The following SLC30A6 variants were observed in gnomAD, a reference collection of about 807,000 sequenced individuals.
The protein encoded by SLC30A6 is solute carrier family 30 member 6.
SLC30A6 carries 55 observed loss-of-function variants against 63.0 expected under a neutral mutation model. That is an observed-to-expected ratio of 0.87 (90% CI 0.70 to 1.09). The LOEUF (loss-of-function observed/expected upper bound fraction) is 1.09, where lower values mean the gene tolerates loss of function less well. Among genes scored for constraint, SLC30A6 ranks in the 50% least tolerant of loss-of-function variants. The pLI, the probability that SLC30A6 is intolerant of heterozygous loss-of-function variation, is 0.00. For synonymous variants in SLC30A6, 224 were observed against 186.1 expected (o/e 1.20, Z -1.66); for missense variants, 587 against 549.2 (o/e 1.07, Z -0.69).
chr2:32,218,058 T>G (rs1395368810), intron 13 of SLC30A6, among the ~76,000 whole-genome samples: 1 of 152,036 alleles, frequency 6.6e-6, no homozygotes, highest in African/African-American at 2.4e-5. Context: ...TTGCTCAGGC[T>G]GGGGGAGTCT....
In SLC30A6 at chr2:32,209,480, C is replaced by G; in HGVS notation, c.817-13C>G. The stretch of plus-strand genomic sequence containing the variant: ...TACAGACAACTCTGATCACCTCTTT[C>G]TGTTTTTGGTAGGTATCTACCTTAG... On this transcript the variant is annotated splice_polypyrimidine_tract_variant and intron_variant, in intron 12 of 13. Transcript: ENST00000282587. The G allele has an allele frequency of 6.2e-7, 1 of 1,600,592 alleles. No homozygotes were observed. The highest frequency in any genetic ancestry group is 8.5e-7 in the Non-Finnish European group (1 of 1,175,842).
At chr2:32,215,189 T>C (rs1021949740) in intron 13 of SLC30A6, among the ~76,000 whole-genome samples, 1 of 152,160 alleles carries the variant, frequency 6.6e-6, no homozygotes, top group Non-Finnish European at 1.5e-5. Context: ...ACATTTTATT[T>C]AATTTTATTT....
chr2:32,208,649 G>C (rs957525697), intron 12 of SLC30A6, among the ~76,000 whole-genome samples: 22 of 146,066 alleles, frequency 1.5e-4, no homozygotes, highest in Admixed American at 1.5e-3. Flanking sequence ...CTGGAGTGCA[G>C]TGCCGTGTTC....
intron 1 of SLC30A6, among the ~76,000 whole-genome samples, chr2:32,169,560 C>T (rs957798281): frequency 6.6e-6 from 1 of 152,146 alleles, no homozygotes; most frequent in African/African-American, 2.4e-5. Context: ...GGGCGGATCA[C>T]GAGGTCAGGA....
chr2:32,175,922 G>A (rs1311007421), intron 4 of SLC30A6, among the ~76,000 whole-genome samples: 4 of 152,120 alleles, frequency 2.6e-5, no homozygotes, highest in Admixed American at 6.6e-5. Context: ...GCAGTGAGCC[G>A]AGATTGTGCC....
Position 32,204,635 on chromosome 2 carries a change from G to A in SLC30A6, c.711G>A (p.Leu237=), listed in dbSNP as rs911729059. The A allele has an allele frequency of 1.2e-6, 2 of 1,612,634 alleles. No individual in the cohort carries two copies. Among genetic ancestry groups the A allele is most frequent in the African/African-American group, 2.7e-5 (2 of 74,804 alleles). The change falls in exon 11 of 14, where the codon TTG becomes TTA. Residue 237 remains leucine, a synonymous_variant. Coordinates refer to ENST00000282587, the MANE Select transcript of SLC30A6 (RefSeq NM_017964.5). ...CTGCCTCTGCTATAGCTATTGCCTTGATGACATTTGGCACTATGTATCCCA... is the reference window on the plus strand; with the variant it reads ...CTGCCTCTGCTATAGCTATTGCCTTAATGACATTTGGCACTATGTATCCCA... ...VDTASAIAIA[L]MTFGTMYPMS...
intron 5 of SLC30A6, among the ~76,000 whole-genome samples, chr2:32,190,523 T>G (rs1297342268): frequency 6.6e-6 from 1 of 152,190 alleles, no homozygotes; most frequent in African/African-American, 2.4e-5. Context: ...GTGTACTTGT[T>G]AAGAAATCTT....
chr2:32,175,621 A>G (rs1202605009), intron 4 of SLC30A6, among the ~76,000 whole-genome samples: 1 of 152,224 alleles, frequency 6.6e-6, no homozygotes, highest in Non-Finnish European at 1.5e-5. Flanking sequence ...AAAGTAATCT[A>G]CTAAATAAGT....
At chr2:32,183,122 G>A (rs1682484054) in intron 4 of SLC30A6, among the ~76,000 whole-genome samples, 1 of 151,972 alleles carries the variant, frequency 6.6e-6, no homozygotes, top group African/African-American at 2.4e-5. Context: ...GGGAGGCGGA[G>A]GTTGCAGTGA....
At chr2:32,166,962 T>C (rs1296179695) in intron 1 of SLC30A6, among the ~76,000 whole-genome samples, 9 of 151,912 alleles carry the variant, frequency 5.9e-5, no homozygotes, top group Non-Finnish European at 1.2e-4. Context: ...ACCACATCAC[T>C]CCCTTACTCA....
At chr2:32,169,428 C>G (rs1243708594) in intron 1 of SLC30A6, among the ~76,000 whole-genome samples, 1 of 152,134 alleles carries the variant, frequency 6.6e-6, no homozygotes, top group Non-Finnish European at 1.5e-5. Context: ...CCTCCTGACT[C>G]AGTCACCCAA....
At position 32,171,349 on chromosome 2, in the gene SLC30A6, T is replaced by C; in HGVS notation, c.66T>C (p.Phe22=). Residue 22 remains phenylalanine, a synonymous_variant, in exon 2 of 14, where the codon TTT becomes TTC. Coordinates refer to ENST00000282587, the MANE Select transcript of SLC30A6 (RefSeq NM_017964.5). ...TTTTTGGCAAGTTGTTACGGGAATTTAGACTTGTAGCAGCTGACCGAAGGG... is the reference window on the plus strand; with the variant it reads ...TTTTTGGCAAGTTGTTACGGGAATTCAGACTTGTAGCAGCTGACCGAAGGG... ...RSFFGKLLRE[F]RLVAADRRSW... The C allele has an allele frequency of 6.2e-7, 1 of 1,613,814 alleles. No individual in the cohort carries two copies. The highest frequency in any genetic ancestry group is 1.1e-5 in the South Asian group (1 of 91,078).
rs903414397 is a variant in SLC30A6 at position 32,175,343 on chromosome 2, C to T, written c.200C>T (p.Thr67Ile). Residue 67 changes from threonine to isoleucine, a missense_variant, in exon 4 of 14, where the codon ACC becomes ATC. Transcript: ENST00000282587. ...GCTTTAACTGCCTATACTTACCTGA[C>T]CATTTTTGATCTTTTTAGGTAAGTT... ...SIALTAYTYL[T>I]IFDLFSLMTC... The T allele has an allele frequency of 6.2e-7, 1 of 1,611,372 alleles. No homozygotes were observed. The highest frequency in any genetic ancestry group is 8.5e-7 in the Non-Finnish European group (1 of 1,179,174).
Position 32,220,746 on chromosome 2 carries a change from A to AGGCCGGGCGAGGTGG in SLC30A6, c.*33_*34insGGCCGGGCGAGGTGG. ...TAACTTATTTTTATAAGGAATATTG[A>AGGCCGGGCGAGGTGG]CTCCTTGGCTTCCAATTTATTTAGT... On this transcript the variant is annotated 3_prime_UTR_variant, in exon 14 of 14. Coordinates refer to ENST00000282587, the MANE Select transcript of SLC30A6 (RefSeq NM_017964.5). 6.4e-7 allele frequency: 1 copy of AGGCCGGGCGAGGTGG among 1,560,334 alleles called. No homozygotes were observed. The highest frequency in any genetic ancestry group is 2.3e-5 in the East Asian group (1 of 44,310).
intron 13 of SLC30A6, among the ~76,000 whole-genome samples, chr2:32,210,063 G>T (rs1685117881): frequency 6.6e-6 from 1 of 152,108 alleles, no homozygotes. Flanking sequence ...AATTCAGTTT[G>T]AACCTCAATA....
At chr2:32,191,291 C>A (rs906335542) in intron 5 of SLC30A6, among the ~76,000 whole-genome samples, 16 of 152,184 alleles carry the variant, frequency 1.1e-4, no homozygotes, top group African/African-American at 3.6e-4. Context: ...CTACTTTTTT[C>A]ACTCACCTTT....
intron 1 of SLC30A6, among the ~76,000 whole-genome samples, chr2:32,166,832 A>G (rs1382798545): frequency 6.6e-6 from 1 of 152,242 alleles, no homozygotes; most frequent in African/African-American, 2.4e-5. Context: ...CCTTTTGCAC[A>G]CAGAAAATGG....
At chr2:32,206,565 A>G (rs1684794309) in intron 11 of SLC30A6, among the ~76,000 whole-genome samples, 1 of 152,348 alleles carries the variant, frequency 6.6e-6, no homozygotes, top group African/African-American at 2.4e-5. Flanking sequence ...AATAAAAATA[A>G]GATAATAGTT....
Position 32,193,904 on chromosome 2 carries a change from T to C in SLC30A6, c.417T>C (p.Val139=), listed in dbSNP as rs1438867846. Reference sequence around the variant, plus strand: ...TTCTTTTTAGGGGAAGATTATTAGTTGGTACTTTTGTGGCTCTTTGTTTCA... The same window carrying C: ...TTCTTTTTAGGGGAAGATTATTAGTCGGTACTTTTGTGGCTCTTTGTTTCA... ...QPEIHTGRLL[V]GTFVALCFNL... The change falls in exon 8 of 14, where the codon GTT becomes GTC. Residue 139 remains valine (V), a synonymous_variant. Coordinates refer to ENST00000282587, the MANE Select transcript of SLC30A6 (RefSeq NM_017964.5). 2 of 1,613,192 alleles carry C rather than the reference T, an allele frequency of 1.2e-6. No individual in the cohort carries two copies. The highest frequency in any genetic ancestry group is 1.7e-6 in the Non-Finnish European group (2 of 1,179,450).
Sources: gnomAD v4.1 joint callset for allele counts (sites outside exome capture counted in the v4.1 genomes callset) on GRCh38, gnomAD v4.1.1 for gene constraint, MANE v1.5 for transcripts, NCBI Gene and HGNC (gene_info 2026-07-23, HGNC 2026-07-21) for gene names.